The following ICA1L variants were observed in gnomAD, a reference collection of about 807,000 sequenced individuals.
ICA1L encodes islet cell autoantigen 1 like.
A neutral mutation model predicts 61.3 loss-of-function variants in ICA1L; 50 were observed. The ratio of observed to expected loss-of-function variants is 0.82; its 90% CI spans 0.65 to 1.03. The LOEUF (loss-of-function observed/expected upper bound fraction) is 1.03, where lower values mean the gene tolerates loss of function less well. ICA1L is among the 50% of genes least tolerant of loss of function. The pLI, the probability that ICA1L is intolerant of heterozygous loss-of-function variation, is 0.00. For synonymous variants in ICA1L, 161 were observed against 191.3 expected (o/e 0.84, Z 1.31); for missense variants, 508 against 556.7 (o/e 0.91, Z 0.88).
chr2:202,834,056 T>G (rs1694083799), intron 1 of ICA1L, among the ~76,000 whole-genome samples: 1 of 152,210 alleles, frequency 6.6e-6, no homozygotes, highest in Non-Finnish European at 1.5e-5. Flanking sequence ...GGATTTTTAG[T>G]GTTCTTACCA....
intron 4 of ICA1L, among the ~76,000 whole-genome samples, chr2:202,820,410 G>C (rs1014802866): frequency 2.0e-5 from 3 of 150,720 alleles, no homozygotes; most frequent in African/African-American, 4.9e-5. Flanking sequence ...CTCCTCCCTT[G>C]TTACTTTAGG....
chr2:202,862,691 G>A (rs898685539), intron 1 of ICA1L, among the ~76,000 whole-genome samples: 5 of 151,672 alleles, frequency 3.3e-5, no homozygotes, highest in African/African-American at 1.2e-4. Context: ...ACAAAAATTA[G>A]CTGGGCATGG....
At chr2:202,862,103 A>G (rs917714507) in intron 1 of ICA1L, among the ~76,000 whole-genome samples, 2 of 151,542 alleles carry the variant, frequency 1.3e-5, no homozygotes, top group African/African-American at 2.4e-5. Context: ...AAGTATTGAA[A>G]TAACACAGAT....
At chr2:202,796,823 A>G (rs1692940229) in intron 10 of ICA1L, 67 bp downstream of exon 10, 3 of 963,596 alleles carry the variant, frequency 3.1e-6, no homozygotes, top group Non-Finnish European at 4.6e-6. Flanking sequence ...TGTTAAGGAA[A>G]TAAATGTTAA....
intron 10 of ICA1L, among the ~76,000 whole-genome samples, chr2:202,793,065 G>T (rs1692804479): frequency 6.6e-6 from 1 of 152,088 alleles, no homozygotes; most frequent in Non-Finnish European, 1.5e-5. Context: ...TCCAACTGTG[G>T]TAATGGTTGC....
At chr2:202,816,057 A>AT in intron 6 of ICA1L, 48 bp from the exon 7 acceptor site, 1 of 1,193,218 alleles carries the variant, frequency 8.4e-7, no homozygotes, top group Non-Finnish European at 1.2e-6. Context: ...CCCCTCCATG[A>AT]TTTTTTAAGT....
At chr2:202,814,526 T>C (rs1385694018) in intron 8 of ICA1L, among the ~76,000 whole-genome samples, 176 bp downstream of exon 8, 1 of 152,210 alleles carries the variant, frequency 6.6e-6, no homozygotes, top group Non-Finnish European at 1.5e-5. Flanking sequence ...TTACCCTGTC[T>C]CAGGTATCCT....
Position 202,775,560 on chromosome 2 carries a change from C to G in ICA1L, c.*3973G>C, listed in dbSNP as rs570019328. The G allele has an allele frequency of 6.6e-6, 1 of 152,250 alleles. No individual in the cohort carries two copies. The highest frequency in any genetic ancestry group is 2.4e-5 in the African/African-American group (1 of 41,462). The allele number at this position is 152,250 out of a possible 1,614,324, so 9.4% of individuals were successfully genotyped here. A position where few individuals can be genotyped will look rare whatever the true frequency, so the allele number is the denominator to read the frequency against. On this transcript the variant is annotated 3_prime_UTR_variant, in exon 13 of 13. Coordinates refer to ENST00000358299, the MANE Select transcript of ICA1L (RefSeq NM_001288622.3). ...TTTGAGACGGAGTCTCACTCTGTCA[C>G]CCAGGCTGGAGTGCATGGCCTGATC...
intron 12 of ICA1L, among the ~76,000 whole-genome samples, chr2:202,781,573 C>T (rs1302431734): frequency 2.9e-5 from 3 of 103,690 alleles, no homozygotes; most frequent in Non-Finnish European, 6.0e-5. Context: ...GACCCTGTCT[C>T]AAAAAAAAAA....
chr2:202,847,984 A>G (rs886306052), intron 1 of ICA1L, among the ~76,000 whole-genome samples: 2 of 152,172 alleles, frequency 1.3e-5, no homozygotes, highest in Admixed American at 1.3e-4. Context: ...GCAGGAACAG[A>G]AAATCAAATG....
intron 3 of ICA1L, among the ~76,000 whole-genome samples, chr2:202,822,284 C>G (rs940967622): frequency 1.3e-5 from 2 of 152,104 alleles, no homozygotes; most frequent in African/African-American, 4.8e-5. Context: ...GCCTCAGCCT[C>G]CTGAGTAGCT....
intron 7 of ICA1L, among the ~76,000 whole-genome samples, chr2:202,815,483 C>T (rs1321341962): frequency 2.0e-5 from 3 of 152,166 alleles, no homozygotes; most frequent in Non-Finnish European, 4.4e-5. Flanking sequence ...CAAAGTTTTT[C>T]TCTAACTTCT....
intron 2 of ICA1L, among the ~76,000 whole-genome samples, chr2:202,827,142 C>A (rs1693867850): frequency 2.0e-5 from 3 of 152,130 alleles, no homozygotes; most frequent in Non-Finnish European, 4.4e-5. Flanking sequence ...GCCTGTAATT[C>A]CAGCACTTTG....
chr2:202,776,416 G>A lies in ICA1L; in HGVS notation c.*3117C>T, dbSNP rs1692225273. ...ATATCTATTTTGAGGGTTGTTCTCA[G>A]CCTACCATTGGTTAAGGATAATTAA... On this transcript the variant is annotated 3_prime_UTR_variant, in exon 13 of 13. Transcript: ENST00000358299. 1 of 151,742 alleles carries A rather than the reference G, an allele frequency of 6.6e-6. No individual in the cohort carries two copies. The highest frequency in any genetic ancestry group is 1.5e-5 in the Non-Finnish European group (1 of 68,030). 9.4% of individuals were successfully genotyped at this position (151,742 alleles called of 1,614,324 possible).
intron 1 of ICA1L, among the ~76,000 whole-genome samples, chr2:202,852,580 G>A (rs559394615): frequency 6.9e-6 from 1 of 145,244 alleles, no homozygotes; most frequent in African/African-American, 2.6e-5. Flanking sequence ...TGAGGCAGGA[G>A]AATGGCGTGA....
At chr2:202,821,815 G>A (rs1340087618) in intron 3 of ICA1L, 1 of 161,920 alleles carries the variant, frequency 6.2e-6, no homozygotes, top group Admixed American at 6.4e-5. Flanking sequence ...AATGTGCAGA[G>A]ATGTATTTTA....
At chr2:202,807,325 A>G (rs1031438743) in intron 9 of ICA1L, among the ~76,000 whole-genome samples, 7 of 152,184 alleles carry the variant, frequency 4.6e-5, no homozygotes, top group African/African-American at 1.7e-4. Context: ...GAGTGCAGTG[A>G]TTGTGGGACT....
chr2:202,819,907 CAG>C lies in ICA1L; in HGVS notation c.360-10_360-9del, dbSNP rs750002475. ...GGAGTACACAGGGCCAATCTAATGG[CAG>C]AGAGGTAAAAATCAGAGGGTTGAAC... On this transcript the variant is annotated splice_polypyrimidine_tract_variant and intron_variant, in intron 4 of 12. Transcript: ENST00000358299. The C allele has an allele frequency of 6.2e-6, 10 of 1,609,676 alleles. No individual in the cohort carries two copies. In the African/African-American group the frequency reaches 1.3e-4, roughly 22 times the overall value.
At chr2:202,861,545 G>A (rs895907127) in intron 1 of ICA1L, among the ~76,000 whole-genome samples, 4 of 151,390 alleles carry the variant, frequency 2.6e-5, no homozygotes, top group Non-Finnish European at 5.9e-5. Context: ...CACAATGAGG[G>A]ACTTAACACT....
Sources: allele counts gnomAD v4.1 joint callset (sites outside exome capture counted in the v4.1 genomes callset), GRCh38; gene constraint gnomAD v4.1.1; transcripts MANE v1.5; gene names NCBI Gene and HGNC (gene_info 2026-07-23, HGNC 2026-07-21).